SLC35F3: variants seen among roughly 807,000 people sequenced by gnomAD.
SLC35F3 encodes the protein solute carrier family 35 member F3, also known as putative thiamine transporter SLC35F3.
In SLC35F3, 25 loss-of-function variants were observed where a neutral mutation model predicts 49.9. The observed-to-expected ratio is 0.50, with a 90% CI of 0.37 to 0.70. The LOEUF is 0.70. Ranked by LOEUF, SLC35F3 falls within the 30% of genes least tolerant of loss-of-function variation. SLC35F3 has a pLI of 0.00. For synonymous variants in SLC35F3, 275 were observed against 265.4 expected, an observed-to-expected ratio of 1.04 and a Z score of -0.35; for missense variants, 525 against 639.8, an observed-to-expected ratio of 0.82 and a Z score of 1.94.
chr1:234,271,286 C>G lies in SLC35F3; in HGVS notation c.609-37815C>G, dbSNP rs375661741. On this transcript the variant is annotated intron_variant, in intron 3 of 7. Coordinates refer to ENST00000366618, the MANE Select transcript of SLC35F3 (RefSeq NM_173508.4). ...GTTGTCATGAGGGTCCGAGAAGGCA[C>G]AAGAACTGAGCAAAAAACACACTTA... 2.6e-5 allele frequency among the ~76,000 whole-genome samples: 4 copies of G among 152,214 alleles called. No homozygotes were observed. The East Asian group carries it at 5.8e-4, about 22-fold the overall frequency.
intron 2 of SLC35F3, among the ~76,000 whole-genome samples, chr1:233,985,836 T>C (rs1663258188): frequency 6.6e-6 from 1 of 152,250 alleles, no homozygotes; most frequent in South Asian, 2.1e-4. Context: ...AAGTTCCTGG[T>C]CCTGCCTGGA....
chr1:234,016,958 T>A (rs1049301412), intron 2 of SLC35F3, among the ~76,000 whole-genome samples: 1 of 152,226 alleles, frequency 6.6e-6, no homozygotes, highest in Non-Finnish European at 1.5e-5. Context: ...TTTGAATTCT[T>A]GTCCCAAACA....
rs143400587 is a variant in SLC35F3 at position 234,020,136 on chromosome 1, A to C, written c.283+114378A>C. Among the ~76,000 whole-genome samples the C allele has an allele frequency of 3.4e-3, 460 of 136,808 alleles. 2 individuals carry two copies. The highest frequency in any genetic ancestry group is 0.012 in the South Asian group (52 of 4,170). 89.8% of individuals were successfully genotyped at this position (136,808 alleles called of 152,430 possible). On this transcript the variant is annotated intron_variant, in intron 2 of 7. Transcript: ENST00000366618. ...GCTGCACGCCATTCCATCCCACACA[A>C]AAAAAAAAATTGAAACAATGGTTTT...
rs146630348 is a variant in SLC35F3, at chr1:233,998,454, C to T, written c.283+92696C>T. On this transcript the variant is annotated intron_variant, in intron 2 of 7. Transcript: ENST00000366618. ...GAGTATTATACCAGATACAGAATGA[C>T]CATTTGTTGGAATGTAATGGAACAG... Among the ~76,000 whole-genome samples, 405 of 151,748 alleles carry T rather than the reference C, an allele frequency of 2.7e-3. 1 individual carries two copies. The highest frequency in any genetic ancestry group is 8.3e-3 in the African/African-American group (342 of 41,326).
chr1:233,982,444 G>A (rs1163425273), intron 2 of SLC35F3, among the ~76,000 whole-genome samples: 1 of 151,856 alleles, frequency 6.6e-6, no homozygotes, highest in Non-Finnish European at 1.5e-5. Context: ...GCATGACCTT[G>A]GCTCAGTGCA....
chr1:233,985,193 C>T (rs185712614), intron 2 of SLC35F3, among the ~76,000 whole-genome samples: 10 of 152,318 alleles, frequency 6.6e-5, no homozygotes, highest in African/African-American at 2.4e-4. Context: ...TGAGACCCCT[C>T]AGTGGCATAT....
intron 2 of SLC35F3, among the ~76,000 whole-genome samples, chr1:234,192,360 C>G (rs938831735): frequency 2.0e-5 from 3 of 152,156 alleles, no homozygotes; most frequent in African/African-American, 7.2e-5. Context: ...ACATGATCAT[C>G]TCAATAGATG....
intron 2 of SLC35F3, among the ~76,000 whole-genome samples, chr1:234,051,041 C>T (rs575416395): frequency 4.1e-4 from 63 of 152,226 alleles, no homozygotes; most frequent in Admixed American, 1.4e-3. Context: ...GTTACTGTAG[C>T]CTGGTAGTAT....
intron 2 of SLC35F3, among the ~76,000 whole-genome samples, chr1:233,978,950 C>T (rs561741823): frequency 1.3e-5 from 2 of 151,610 alleles, no homozygotes; most frequent in African/African-American, 4.8e-5. Flanking sequence ...GCAGGAGAAT[C>T]GCTTGAGCCT....
intron 2 of SLC35F3, among the ~76,000 whole-genome samples, chr1:234,202,810 G>A (rs1266971841): frequency 6.6e-6 from 1 of 152,236 alleles, no homozygotes; most frequent in South Asian, 2.1e-4. Context: ...CCTTATGTCA[G>A]CTGAAATGAA....
At chr1:234,286,404 G>T (rs1288853555) in intron 3 of SLC35F3, among the ~76,000 whole-genome samples, 1 of 152,230 alleles carries the variant, frequency 6.6e-6, no homozygotes, top group African/African-American at 2.4e-5. Flanking sequence ...CAGGGGCGGG[G>T]GCGGGCAGCC....
chr1:234,217,975 A>G (rs1366264869), intron 2 of SLC35F3, among the ~76,000 whole-genome samples: 3 of 152,206 alleles, frequency 2.0e-5, no homozygotes, highest in Non-Finnish European at 4.4e-5. Flanking sequence ...GAGGAGAGGC[A>G]GTTTCAGGCA....
At chr1:234,289,653 G>A (rs747695704) in intron 3 of SLC35F3, among the ~76,000 whole-genome samples, 1 of 152,186 alleles carries the variant, frequency 6.6e-6, no homozygotes, top group Non-Finnish European at 1.5e-5. Context: ...ATTCACATTA[G>A]CCAAACAGAA....
At chr1:234,245,555 A>C (rs1392033340) in intron 3 of SLC35F3, among the ~76,000 whole-genome samples, 17 of 152,256 alleles carry the variant, frequency 1.1e-4, no homozygotes, top group Admixed American at 9.8e-4. Flanking sequence ...ACTCTTTAAC[A>C]AACTAATCTG....
intron 3 of SLC35F3, among the ~76,000 whole-genome samples, chr1:234,252,411 G>A (rs1417684335): frequency 1.3e-5 from 2 of 151,742 alleles, no homozygotes; most frequent in Non-Finnish European, 2.9e-5. Context: ...CTACTGCTTG[G>A]CAAAAAATAA....
At position 233,904,941 on chromosome 1, in the gene SLC35F3, C is replaced by G; in HGVS notation, c.-137C>G. On this transcript the variant is annotated 5_prime_UTR_variant, in exon 1 of 8. Transcript: ENST00000366618. ...ACCGCGCGGGCGCGCACAAAGCGGC[C>G]CGGGGCGGCCGGCGCGGCGCAGACC... 1.0e-6 allele frequency: 1 copy of G among 973,080 alleles called. No individual in the cohort carries two copies. Among genetic ancestry groups the G allele is most frequent in the East Asian group, 3.1e-5 (1 of 31,932 alleles). The allele number at this position is 973,080 out of a possible 1,614,324, so 60.3% of individuals were successfully genotyped here. A position where few individuals can be genotyped will look rare whatever the true frequency, so the allele number is the denominator to read the frequency against.
chr1:234,082,224 T>C (rs1484454074), intron 2 of SLC35F3, among the ~76,000 whole-genome samples: 1 of 152,178 alleles, frequency 6.6e-6, no homozygotes, highest in Non-Finnish European at 1.5e-5. Flanking sequence ...CGGTTCATGT[T>C]ATCTCCTCTG....
At chr1:234,161,931 A>G (rs1666234067) in intron 2 of SLC35F3, among the ~76,000 whole-genome samples, 1 of 152,064 alleles carries the variant, frequency 6.6e-6, no homozygotes, top group South Asian at 2.1e-4. Flanking sequence ...TCTCCCACCC[A>G]TTTATGGCCT....
chr1:234,221,245 A>T (rs1395295796), intron 2 of SLC35F3, among the ~76,000 whole-genome samples: 1 of 151,968 alleles, frequency 6.6e-6, no homozygotes, highest in Admixed American at 6.5e-5. Context: ...ACAGTGAGGG[A>T]AGTTTGAGAA....
Sources: gnomAD v4.1 joint callset for allele counts (sites outside exome capture counted in the v4.1 genomes callset) on GRCh38, gnomAD v4.1.1 for gene constraint, MANE v1.5 for transcripts, NCBI Gene and HGNC (gene_info 2026-07-23, HGNC 2026-07-21) for gene names.